ABHD17C: variants seen among roughly 807,000 people sequenced by gnomAD.
The protein encoded by ABHD17C is alpha/beta hydrolase domain-containing protein 17C.
In ABHD17C, 11 loss-of-function variants were observed where a neutral mutation model predicts 27.9. The observed-to-expected ratio is 0.39, with a 90% CI of 0.25 to 0.65. The LOEUF is 0.65. Ranked by LOEUF, ABHD17C falls within the 30% of genes least tolerant of loss-of-function variation. The pLI, the probability that ABHD17C is intolerant of heterozygous loss-of-function variation, is 0.45. For synonymous variants in ABHD17C, 233 were observed against 209.1 expected (o/e 1.11, Z -0.98); for missense variants, 280 against 470.2 (o/e 0.60, Z 3.74).
Position 80,695,418 on chromosome 15 carries a change from C to T in ABHD17C, c.-12C>T. The T allele has an allele frequency of 7.8e-7, 1 of 1,286,802 alleles. No individual in the cohort carries two copies. The highest frequency in any genetic ancestry group is 1.0e-6 in the Non-Finnish European group (1 of 1,001,126). 79.7% of individuals were successfully genotyped at this position (1,286,802 alleles called of 1,614,324 possible). On this transcript the variant is annotated 5_prime_UTR_variant, in exon 1 of 3. Transcript: ENST00000258884. The surrounding 1 kb of genome is among the most constrained non-coding windows in gnomAD (Gnocchi z 4.3). ...AGCCAGCCGGGCCGGCGGCGGGCAC[C>T]AGGCCGTCCCGATGCCCGAGCCAGG...
At chr15:80,722,402 G>A (rs79976251) in intron 1 of ABHD17C, among the ~76,000 whole-genome samples, 2,925 of 148,032 alleles carry the variant, frequency 0.02, 89 homozygotes, top group Admixed American at 0.091. Context: ...GCTTTGTTGC[G>A]CTGTGATTGA....
chr15:80,754,235 A>G lies in ABHD17C; in HGVS notation c.855A>G (p.Leu285=), dbSNP rs1188775160. The change falls in exon 3 of 3, where the codon CTA becomes CTG. Residue 285 remains leucine, a synonymous_variant. Coordinates refer to ENST00000258884, the MANE Select transcript of ABHD17C (RefSeq NM_021214.2). The part of the protein sequence containing the change: ...EDEVIDFSHG[L]AMYERCPRAV... ...AGGTCATCGATTTCTCCCATGGCCT[A>G]GCGATGTACGAGCGCTGTCCCCGAG... The G allele has an allele frequency of 6.2e-7, 1 of 1,613,952 alleles. No homozygotes were observed. The highest frequency in any genetic ancestry group is 2.2e-5 in the East Asian group (1 of 44,874).
chr15:80,741,444 T>C (rs576799082), intron 1 of ABHD17C, among the ~76,000 whole-genome samples: 1 of 151,332 alleles, frequency 6.6e-6, no homozygotes, highest in Non-Finnish European at 1.5e-5. Flanking sequence ...TCTTATTAAG[T>C]TGAGAACTTC....
At chr15:80,744,691 G>C (rs1451252634) in intron 1 of ABHD17C, among the ~76,000 whole-genome samples, 1 of 152,016 alleles carries the variant, frequency 6.6e-6, no homozygotes, top group Non-Finnish European at 1.5e-5. Context: ...TTCCCAACAA[G>C]TCACTGCCTA....
chr15:80,735,241 T>C (rs1165311918), intron 1 of ABHD17C, among the ~76,000 whole-genome samples: 1 of 152,144 alleles, frequency 6.6e-6, no homozygotes, highest in Non-Finnish European at 1.5e-5. Context: ...GTTCCAAAGT[T>C]CCCTGAAACT....
At chr15:80,732,172 A>G (rs756015164) in intron 1 of ABHD17C, among the ~76,000 whole-genome samples, 5 of 152,192 alleles carry the variant, frequency 3.3e-5, no homozygotes, top group Admixed American at 3.3e-4. Flanking sequence ...TCAGAGCCCC[A>G]TTTTACACAC....
Position 80,695,699 on chromosome 15 carries a change from C to A in ABHD17C, c.270C>A (p.His90Gln). ...CGGGGCCCGGTGCGTGCAGCCTGCA[C>A]CTCAGCGAGCGCGCCGACTGGCAGT... ...AGAGPGACSL[H>Q]LSERADWQYS... Residue 90 changes from histidine (H) to glutamine (Q), a missense_variant, in exon 1 of 3, where the codon CAC becomes CAA. By Grantham distance (24) the His-to-Gln change is conservative. This residue lies in a region of ABHD17C where 206 missense variants were observed against 394.7 expected (regional missense o/e 0.52). Transcript: ENST00000258884. This position sits in a 1 kb window ranked among gnomAD's most constrained non-coding sequence, Gnocchi z 4.3. 2 of 1,531,100 alleles carry A rather than the reference C, an allele frequency of 1.3e-6. No individual in the cohort carries two copies. Among genetic ancestry groups the A allele is most frequent in the Non-Finnish European group, 1.7e-6 (2 of 1,145,346 alleles). The allele number at this position is 1,531,100 out of a possible 1,614,324, so 94.8% of individuals were successfully genotyped here. A position where few individuals can be genotyped will look rare whatever the true frequency, so the allele number is the denominator to read the frequency against.
intron 1 of ABHD17C, among the ~76,000 whole-genome samples, chr15:80,733,373 A>C (rs1336480953): frequency 2.0e-5 from 3 of 152,088 alleles, no homozygotes; most frequent in Admixed American, 1.3e-4. Flanking sequence ...TGTAATTCTC[A>C]AGGAGGCCCC....
At chr15:80,702,406 G>A (rs140666644) in intron 1 of ABHD17C, among the ~76,000 whole-genome samples, 3 of 152,242 alleles carry the variant, frequency 2.0e-5, no homozygotes, top group Admixed American at 6.5e-5. Context: ...AGACCAGCCC[G>A]GGCAACATAA....
intron 1 of ABHD17C, chr15:80,705,112 G>A (rs954084394): frequency 2.0e-5 from 3 of 152,812 alleles, no homozygotes; most frequent in African/African-American, 4.8e-5. Flanking sequence ...GGAGAAAAGA[G>A]GCAAGAGAGG....
chr15:80,737,817 C>A (rs1895154298), intron 1 of ABHD17C, among the ~76,000 whole-genome samples: 1 of 152,032 alleles, frequency 6.6e-6, no homozygotes, highest in African/African-American at 2.4e-5. Context: ...GAGGGAAGAG[C>A]CTGAGCCACA....
rs543756919 is a variant in ABHD17C at position 80,742,867 on chromosome 15, G to A, written c.591-6646G>A. On this transcript the variant is annotated intron_variant, in intron 1 of 2. Coordinates refer to ENST00000258884, the MANE Select transcript of ABHD17C (RefSeq NM_021214.2). Reference sequence around the variant, plus strand: ...TAAGAAGGAAGGCATCGTTCTTAATGTGAACTGCCAAGGAGAAGTTGAACT... The same window carrying A: ...TAAGAAGGAAGGCATCGTTCTTAATATGAACTGCCAAGGAGAAGTTGAACT... Among the ~76,000 whole-genome samples the A allele has an allele frequency of 1.4e-3, 214 of 152,208 alleles. 1 individual carries two copies. Among genetic ancestry groups the A allele is most frequent in the African/African-American group, 4.8e-3 (199 of 41,542 alleles).
intron 1 of ABHD17C, among the ~76,000 whole-genome samples, chr15:80,729,665 A>G (rs1044078460): frequency 1.3e-5 from 2 of 152,230 alleles, no homozygotes; most frequent in African/African-American, 4.8e-5. Flanking sequence ...TAAATTGTCA[A>G]CAGGGAGTCG....
At chr15:80,713,234 G>A (rs943107747) in intron 1 of ABHD17C, among the ~76,000 whole-genome samples, 15 of 152,006 alleles carry the variant, frequency 9.9e-5, no homozygotes, top group African/African-American at 3.6e-4. Flanking sequence ...TTGGTGTGCC[G>A]TGGTAACAGT....
chr15:80,708,782 G>A (rs1002753942), intron 1 of ABHD17C, among the ~76,000 whole-genome samples: 7 of 152,172 alleles, frequency 4.6e-5, no homozygotes, highest in Non-Finnish European at 1.0e-4. Context: ...TAATAACAGA[G>A]TTCACAAACT....
chr15:80,731,758 T>G (rs992248668), intron 1 of ABHD17C, among the ~76,000 whole-genome samples: 45 of 152,336 alleles, frequency 3.0e-4, no homozygotes, highest in African/African-American at 1.1e-3. Flanking sequence ...TAATAAAATC[T>G]CATTTAGAAT....
intron 1 of ABHD17C, among the ~76,000 whole-genome samples, chr15:80,709,711 C>T (rs1894704694): frequency 6.6e-6 from 1 of 152,128 alleles, no homozygotes; most frequent in Non-Finnish European, 1.5e-5. Flanking sequence ...CCTCATTGTT[C>T]TCCTCCTCCA....
At chr15:80,742,955 T>C (rs1895230087) in intron 1 of ABHD17C, among the ~76,000 whole-genome samples, 1 of 102,234 alleles carries the variant, frequency 9.8e-6, no homozygotes, top group Non-Finnish European at 1.8e-5. Context: ...CAAGACTTCA[T>C]AGGGGCAGAA....
At chr15:80,738,018 G>A (rs1253248719) in intron 1 of ABHD17C, among the ~76,000 whole-genome samples, 1 of 151,982 alleles carries the variant, frequency 6.6e-6, no homozygotes, top group African/African-American at 2.4e-5. Flanking sequence ...ACGGATTGGA[G>A]TAGGGAGTGA....
Sources: allele counts gnomAD v4.1 joint callset (sites outside exome capture counted in the v4.1 genomes callset), GRCh38; gene constraint gnomAD v4.1.1; regional missense constraint gnomAD v4.1.1; non-coding constraint Gnocchi (gnomAD v3.1); transcripts MANE v1.5; gene names NCBI Gene and HGNC (gene_info 2026-07-23, HGNC 2026-07-21).